KMT2A: variants seen among roughly 807,000 people sequenced by gnomAD.
KMT2A encodes the protein histone-lysine N-methyltransferase 2A.
A neutral mutation model predicts 345.3 loss-of-function variants in KMT2A; 16 were observed. The ratio of observed to expected loss-of-function variants is 0.05; its 90% CI spans 0.03 to 0.07. The LOEUF (loss-of-function observed/expected upper bound fraction) is 0.07. KMT2A is among the 10% of genes least tolerant of loss of function. The pLI is 1.00. For missense variants in KMT2A, 3,272 were observed against 4,841.6 expected, an observed-to-expected ratio of 0.68 and a Z score of 9.62; for synonymous variants, 1,599 against 1,778.6, an observed-to-expected ratio of 0.90 and a Z score of 2.54.
chr11:118,507,928 A>G (rs1432030226), intron 28 of KMT2A, among the ~76,000 whole-genome samples: 2 of 152,172 alleles, frequency 1.3e-5, no homozygotes, highest in East Asian at 1.9e-4. Context: ...GCGCCACTGC[A>G]CTCCAGCCTG....
Position 118,494,365 on chromosome 11 carries a change from A to C in KMT2A, c.5256A>C (p.Lys1752Asn), listed in dbSNP as rs1555043352. 1 of 1,604,752 alleles carries C rather than the reference A, an allele frequency of 6.2e-7. No individual in the cohort carries two copies. The highest frequency in any genetic ancestry group is 8.5e-7 in the Non-Finnish European group (1 of 1,171,616). The stretch of plus-strand genomic sequence containing the variant: ...ATGGAGGACAGCCAGAAATTAAAAA[A>C]GCCAACAGCATGGTCAAGTCCTTCT... Reference protein sequence around the residue: ...NSDGGQPEIKKANSMVKSFFI... With the variant: ...NSDGGQPEIKNANSMVKSFFI... The change falls in exon 17 of 36, where the codon AAA (lysine) becomes AAC (asparagine). Residue 1752 changes from lysine to asparagine, a missense_variant. Coordinates refer to ENST00000534358, the MANE Select transcript of KMT2A (RefSeq NM_001197104.2). This position sits in a 1 kb window ranked among gnomAD's most constrained non-coding sequence, Gnocchi z 5.8.
chr11:118,493,291 G>T lies in KMT2A; in HGVS notation c.5178+61G>T. On this transcript the variant is annotated intron_variant, in intron 16 of 35. Transcript: ENST00000534358. This position sits in a 1 kb window ranked among gnomAD's most constrained non-coding sequence, Gnocchi z 5.8. ...GCCAATAAAGCTTCTTTGGACCTTTGGGGCATGAAACTGAGTATAAGTAAA... is the reference window on the plus strand; with the variant it reads ...GCCAATAAAGCTTCTTTGGACCTTTTGGGCATGAAACTGAGTATAAGTAAA... 3 of 1,408,926 alleles carry T rather than the reference G, an allele frequency of 2.1e-6. No individual in the cohort carries two copies. In the East Asian group the frequency reaches 7.0e-5, roughly 33 times the overall value. 87.3% of individuals were successfully genotyped at this position (1,408,926 alleles called of 1,614,324 possible). A position where few individuals can be genotyped will look rare whatever the true frequency, so the allele number is the denominator to read the frequency against.
chr11:118,515,383 C>T (rs1171674006), intron 31 of KMT2A, among the ~76,000 whole-genome samples: 1 of 152,214 alleles, frequency 6.6e-6, no homozygotes, highest in Non-Finnish European at 1.5e-5. Context: ...CAACTCTTAA[C>T]TGATTTAAAG....
chr11:118,445,150 TAGAATGTTC>T (rs1410685346), intron 1 of KMT2A, among the ~76,000 whole-genome samples: 15 of 152,190 alleles, frequency 9.9e-5, no homozygotes, highest in African/African-American at 3.6e-4. Flanking sequence ...GCTATAATCT[TAGAATGTTC>T]TTGATATTAG....
chr11:118,455,055 T>C (rs2134210195), intron 1 of KMT2A, among the ~76,000 whole-genome samples: 1 of 152,072 alleles, frequency 6.6e-6, no homozygotes, highest in East Asian at 1.9e-4. Flanking sequence ...AGAGACAGGG[T>C]TTCACTCTGT....
At chr11:118,519,501 A>G (rs1324982802) in intron 31 of KMT2A, 117 bp from the exon 32 acceptor site, 3 of 832,968 alleles carry the variant, frequency 3.6e-6, no homozygotes, top group Non-Finnish European at 5.9e-6. Context: ...AATATGTACT[A>G]TAATTCACCC....
chr11:118,436,585 CG>C lies in KMT2A; in HGVS notation c.77del (p.Gly26AlafsTer2). 6 of 1,180,418 alleles carry C rather than the reference CG, an allele frequency of 5.1e-6. No individual in the cohort carries two copies. Among genetic ancestry groups the C allele is most frequent in the Non-Finnish European group, 5.3e-6 (5 of 946,734 alleles). 73.1% of individuals were successfully genotyped at this position (1,180,418 alleles called of 1,614,324 possible). ...CGGGGGCGGCGGCGGCGGGGGGCGC[CG>C]GGGCCTAGGGGGCGCCCCGCGGCAA... ...TTGGGGGGGR[R>X]GLGGAPRQRV... On this transcript the variant is annotated frameshift_variant, in exon 1 of 36. Coordinates refer to ENST00000534358, the MANE Select transcript of KMT2A (RefSeq NM_001197104.2). LOFTEE classifies it high-confidence loss of function. The surrounding 1 kb of genome is among the most constrained non-coding windows in gnomAD (Gnocchi z 6.9).
Position 118,521,424 on chromosome 11 carries a change from C to T in KMT2A, c.11643+7C>T, listed in dbSNP as rs1331484446. ...AAAGTATTACGACAGCAAGGTAAGT[C>T]TCCCACTTGCACTCACACAGTTCTT... is the stretch of plus-strand genomic sequence containing the variant. On this transcript the variant is annotated splice_region_variant and intron_variant, in intron 35 of 35. Transcript: ENST00000534358. The surrounding 1 kb of genome is among the most constrained non-coding windows in gnomAD (Gnocchi z 5.3). The T allele has an allele frequency of 6.2e-7, 1 of 1,613,956 alleles. No homozygotes were observed. Among genetic ancestry groups the T allele is most frequent in the Non-Finnish European group, 8.5e-7 (1 of 1,179,900 alleles).
intron 1 of KMT2A, among the ~76,000 whole-genome samples, chr11:118,462,412 A>G (rs1339668609): frequency 3.9e-5 from 6 of 152,150 alleles, no homozygotes; most frequent in Non-Finnish European, 7.3e-5. Flanking sequence ...CATAACAATG[A>G]CAGCTTTTGT....
chr11:118,479,631 T>A (rs1386899345), intron 5 of KMT2A, among the ~76,000 whole-genome samples: 1 of 152,188 alleles, frequency 6.6e-6, no homozygotes, highest in East Asian at 1.9e-4. Flanking sequence ...AAGTACATGA[T>A]AGCAAGATAA....
chr11:118,481,585 A>T, intron 6 of KMT2A, 130 bp from the exon 7 acceptor site: 1 of 955,040 alleles, frequency 1.0e-6, no homozygotes, highest in Non-Finnish European at 1.5e-6. Flanking sequence ...TCTCTTTGAT[A>T]TACTGATTTC....
chr11:118,508,295 T>C (rs1364085581), intron 28 of KMT2A, among the ~76,000 whole-genome samples: 1 of 152,250 alleles, frequency 6.6e-6, no homozygotes, highest in Non-Finnish European at 1.5e-5. Context: ...GTTTTTCACT[T>C]ATGTACATCT....
At position 118,476,131 on chromosome 11, in the gene KMT2A, C is replaced by G. The variant is rs1397343715; in HGVS notation, c.3157-674C>G. Among the ~76,000 whole-genome samples the G allele has an allele frequency of 6.6e-6, 1 of 152,036 alleles. No homozygotes were observed. The highest frequency in any genetic ancestry group is 6.6e-5 in the Admixed American group (1 of 15,264). The stretch of plus-strand genomic sequence containing the variant: ...TGTTGGTCAGGCTGGTCTCAAACTC[C>G]CGACCTCAGGTGATCTACCCGCCTC... On this transcript the variant is annotated intron_variant, in intron 3 of 35. Transcript: ENST00000534358. This position sits in a 1 kb window ranked among gnomAD's most constrained non-coding sequence, Gnocchi z 4.1.
intron 31 of KMT2A, 46 bp downstream of exon 31, chr11:118,512,071 G>A: frequency 6.4e-7 from 1 of 1,553,830 alleles, no homozygotes; most frequent in Non-Finnish European, 8.9e-7. Flanking sequence ...GAATATTATG[G>A]TAAATTGTTC....
intron 32 of KMT2A, 52 bp downstream of exon 32, chr11:118,519,844 C>G: frequency 6.3e-7 from 1 of 1,586,796 alleles, no homozygotes. Context: ...TTTCTTATCT[C>G]ATGACACTGT....
At position 118,436,536 on chromosome 11, in the gene KMT2A, C is replaced by T; in HGVS notation, c.24C>T (p.Arg8=). 8.0e-7 allele frequency: 1 copy of T among 1,252,900 alleles called. No homozygotes were observed. 77.6% of individuals were successfully genotyped at this position (1,252,900 alleles called of 1,614,324 possible). MAHSCRW[R]FPARPGTTGG... ...ACATGGCGCACAGCTGTCGGTGGCG[C>T]TTCCCCGCCCGACCCGGGACCACCG... Residue 8 remains arginine (R), a synonymous_variant, in exon 1 of 36, where the codon CGC becomes CGT. Transcript: ENST00000534358. This position sits in a 1 kb window ranked among gnomAD's most constrained non-coding sequence, Gnocchi z 6.9.
chr11:118,511,284 C>T (rs1388200611), intron 30 of KMT2A, among the ~76,000 whole-genome samples: 2 of 152,102 alleles, frequency 1.3e-5, no homozygotes, highest in East Asian at 1.9e-4. Context: ...AGAATGAGTA[C>T]ACTTGGTGGA....
chr11:118,447,739 T>G, intron 1 of KMT2A: 1 of 385,972 alleles, frequency 2.6e-6, no homozygotes, highest in Non-Finnish European at 5.1e-6. Context: ...AATGAAAGGT[T>G]AAGAGGCAAC....
At chr11:118,444,986 T>C (rs560660299) in intron 1 of KMT2A, among the ~76,000 whole-genome samples, 2 of 152,358 alleles carry the variant, frequency 1.3e-5, no homozygotes, top group South Asian at 4.1e-4. Context: ...TGTAAGCACT[T>C]AGCATTTTGC....
Sources: allele counts gnomAD v4.1 joint callset (sites outside exome capture counted in the v4.1 genomes callset), GRCh38; gene constraint gnomAD v4.1.1; non-coding constraint Gnocchi (gnomAD v3.1); transcripts MANE v1.5; gene names NCBI Gene and HGNC (gene_info 2026-07-23, HGNC 2026-07-21).